The following CCND3 variants were observed in gnomAD, a reference collection of about 807,000 sequenced individuals.
CCND3 encodes cyclin D3, also known as G1/S-specific cyclin-D3.
A neutral mutation model predicts 28.7 loss-of-function variants in CCND3; 9 were observed. The observed-to-expected ratio is 0.31, with a 90% CI of 0.19 to 0.55. The LOEUF (loss-of-function observed/expected upper bound fraction) is 0.55, where lower values mean the gene tolerates loss of function less well. Among genes scored for constraint, CCND3 ranks in the 20% least tolerant of loss-of-function variants. The pLI is 0.93. For synonymous variants in CCND3, 164 were observed against 163.9 expected (o/e 1.00, Z 0.00); for missense variants, 315 against 385.8 (o/e 0.82, Z 1.54).
chr6:41,964,381 AGT>A lies in CCND3; in HGVS notation c.-45-23798_-45-23797del, dbSNP rs574333067. On this transcript the variant is annotated intron_variant, in intron 1 of 4. Coordinates refer to the CCND3 transcript ENST00000372988. ...GTGTGTGTATGTGTGAATGTGTGTG[AGT>A]GTGTGTGTGCATGTGTGAATGTGTG... Among the ~76,000 whole-genome samples the A allele has an allele frequency of 9.5e-4, 109 of 115,036 alleles. No individual in the cohort carries two copies. In the Middle Eastern group the frequency reaches 0.013, roughly 14 times the overall value. The allele number at this position is 115,036 out of a possible 152,430, so 75.5% of individuals were successfully genotyped here. A position where few individuals can be genotyped will look rare whatever the true frequency, so the allele number is the denominator to read the frequency against.
At chr6:41,993,007 C>G (rs1762699092) in intron 1 of CCND3, among the ~76,000 whole-genome samples, 1 of 152,120 alleles carries the variant, frequency 6.6e-6, no homozygotes, top group South Asian at 2.1e-4. Context: ...CTCCTGGGCT[C>G]AGGCAATCCT....
At chr6:42,034,304 CA>C (rs1764133322) in intron 1 of CCND3, among the ~76,000 whole-genome samples, 1 of 150,528 alleles carries the variant, frequency 6.6e-6, no homozygotes, top group South Asian at 2.1e-4. Context: ...CCCGCCACCA[CA>C]CCCGGCTAAT....
At chr6:42,047,529 G>A (rs1430220324) in intron 1 of CCND3, among the ~76,000 whole-genome samples, 2 of 152,176 alleles carry the variant, frequency 1.3e-5, no homozygotes, top group Non-Finnish European at 1.5e-5. Flanking sequence ...GGGATGAGGA[G>A]GGGGTGCCCA....
intron 1 of CCND3, among the ~76,000 whole-genome samples, chr6:41,958,414 GT>G (rs1348995098): frequency 9.9e-5 from 15 of 152,248 alleles, no homozygotes; most frequent in African/African-American, 3.6e-4. Flanking sequence ...TGCTAGGTGA[GT>G]CATTCTATTC....
chr6:42,000,233 A>ATTTTTTTTTT (rs1561980601), intron 1 of CCND3, among the ~76,000 whole-genome samples: 3 of 31,234 alleles, frequency 9.6e-5, no homozygotes, highest in Non-Finnish European at 1.8e-4. Flanking sequence ...TTGAAAACAT[A>ATTTTTTTTTT]CTTTTTTTTT....
At chr6:41,973,038 T>C (rs1762077599) in intron 1 of CCND3, among the ~76,000 whole-genome samples, 1 of 152,078 alleles carries the variant, frequency 6.6e-6, no homozygotes, top group Admixed American at 6.6e-5. Flanking sequence ...CCCATGTGTG[T>C]CTGGGTAATG....
chr6:41,996,620 C>T lies in CCND3; in HGVS notation c.-46+51881G>A, dbSNP rs1168356925. ...TCATAGTTTATAGTGTATTTATTACCGGTGTAGTTAACATTTCCCTCAATC... is the reference window on the plus strand; with the variant it reads ...TCATAGTTTATAGTGTATTTATTACTGGTGTAGTTAACATTTCCCTCAATC... On this transcript the variant is annotated intron_variant, in intron 1 of 4. Transcript: ENST00000372988. 3.3e-5 allele frequency among the ~76,000 whole-genome samples: 5 copies of T among 151,598 alleles called. No homozygotes were observed. In the East Asian group the frequency reaches 7.7e-4, roughly 23 times the overall value.
At position 41,936,125 on chromosome 6, in the gene CCND3, G is replaced by A. The variant is rs754436542; in HGVS notation, c.712-18C>T. On this transcript the variant is annotated intron_variant, in intron 4 of 4. Coordinates refer to ENST00000372991, the MANE Select transcript of CCND3 (RefSeq NM_001760.5). This position sits in a 1 kb window ranked among gnomAD's most constrained non-coding sequence, Gnocchi z 4.4. Reference sequence around the variant, plus strand: ...AGGCAGTCCTGGGAACATGGGAGAAGAGTGAGGAGCAAACACTCCCCCCAT... The same window carrying A: ...AGGCAGTCCTGGGAACATGGGAGAAAAGTGAGGAGCAAACACTCCCCCCAT... 1.3e-6 allele frequency: 2 copies of A among 1,557,282 alleles called. No homozygotes were observed. The highest frequency in any genetic ancestry group is 1.7e-6 in the Non-Finnish European group (2 of 1,151,280).
intron 1 of CCND3, among the ~76,000 whole-genome samples, chr6:41,971,043 G>T (rs538134141): frequency 6.6e-6 from 1 of 151,908 alleles, no homozygotes; most frequent in African/African-American, 2.4e-5. Context: ...GCAGCCTCCC[G>T]AGTAGCTGGG....
intron 1 of CCND3, among the ~76,000 whole-genome samples, chr6:42,044,177 G>C (rs1003618900): frequency 2.0e-5 from 3 of 152,268 alleles, no homozygotes; most frequent in Admixed American, 6.5e-5. Flanking sequence ...AGAGGCGGAG[G>C]CCTGCACGTT....
chr6:41,945,669 G>A (rs1339916109), upstream of CCND3, among the ~76,000 whole-genome samples: 1 of 152,202 alleles, frequency 6.6e-6, no homozygotes, highest in East Asian at 1.9e-4. Flanking sequence ...GAACAGGGGT[G>A]CTAAACAGGG....
At chr6:42,049,061 AG>A (rs1264897516), upstream of CCND3, 1 of 166,762 alleles carries the variant, frequency 6.0e-6, no homozygotes, top group Non-Finnish European at 1.3e-5. Flanking sequence ...TTTGAGATGG[AG>A]TCTCCCTCTG....
At position 41,953,805 on chromosome 6, in the gene CCND3, G is replaced by C. The variant is rs532998673; in HGVS notation, c.-45-13220C>G. On this transcript the variant is annotated intron_variant, in intron 1 of 4. Coordinates refer to the CCND3 transcript ENST00000372988. ...ACCAATCAAATGTGGAGGTGGGTCT[G>C]CTAAGGGACTTCCATCAGTGGGGCA... is the stretch of plus-strand genomic sequence containing the variant. 8.5e-5 allele frequency among the ~76,000 whole-genome samples: 13 copies of C among 152,124 alleles called. No homozygotes were observed. In the East Asian group the frequency reaches 2.5e-3, roughly 29 times the overall value.
chr6:42,040,571 C>T (rs1403476430), intron 1 of CCND3, among the ~76,000 whole-genome samples: 1 of 151,218 alleles, frequency 6.6e-6, no homozygotes, highest in African/African-American at 2.4e-5. Context: ...TAAAAAACCT[C>T]GGCCAGGCAC....
At chr6:42,004,577 A>G (rs1042746133) in intron 1 of CCND3, among the ~76,000 whole-genome samples, 1 of 152,014 alleles carries the variant, frequency 6.6e-6, no homozygotes, top group African/African-American at 2.4e-5. Context: ...CTAAAAATAC[A>G]AAAAAATAGC....
At chr6:41,954,437 G>C (rs1465673111) in intron 1 of CCND3, among the ~76,000 whole-genome samples, 1 of 151,404 alleles carries the variant, frequency 6.6e-6, no homozygotes, top group East Asian at 1.9e-4. Context: ...TGTAATCCCA[G>C]CCACTCGGGA....
At chr6:41,945,009 G>A (rs1209575698), upstream of CCND3, among the ~76,000 whole-genome samples, 1 of 152,050 alleles carries the variant, frequency 6.6e-6, no homozygotes, top group South Asian at 2.1e-4. Context: ...TGTTTTTCTT[G>A]TTTTTGTTTT....
At chr6:42,049,582 G>C (rs1309911948), upstream of CCND3, 1 of 152,262 alleles carries the variant, frequency 6.6e-6, no homozygotes, top group African/African-American at 2.4e-5. Flanking sequence ...AAAACCACTG[G>C]TAGCCGCGGG....
intron 1 of CCND3, among the ~76,000 whole-genome samples, chr6:41,974,732 G>T (rs1473552771): frequency 6.6e-6 from 1 of 151,526 alleles, no homozygotes; most frequent in Non-Finnish European, 1.5e-5. Context: ...CCAAAAGGGG[G>T]ATGGGGCGGG....
Sources: gnomAD v4.1 joint callset for allele counts (sites outside exome capture counted in the v4.1 genomes callset) on GRCh38, gnomAD v4.1.1 for gene constraint, Gnocchi (gnomAD v3.1) non-coding constraint, MANE v1.5 for transcripts, NCBI Gene and HGNC (gene_info 2026-07-23, HGNC 2026-07-21) for gene names.